ESR1: variants seen among roughly 807,000 people sequenced by gnomAD.
ESR1 encodes estrogen receptor 1.
Under a neutral mutation model 52.7 loss-of-function variants are expected in ESR1, and 12 were observed. That is an observed-to-expected ratio of 0.23 (90% CI 0.15 to 0.37). The LOEUF is 0.37. ESR1 is among the 10% of genes least tolerant of loss of function. The pLI is 1.00. For missense variants in ESR1, 584 were observed against 779.7 expected (o/e 0.75, Z 2.99); for synonymous variants, 305 against 316.8 (o/e 0.96, Z 0.39).
intron 2 of ESR1, among the ~76,000 whole-genome samples, chr6:151,791,802 G>A (rs532713655): frequency 1.3e-4 from 20 of 152,144 alleles, no homozygotes; most frequent in African/African-American, 4.3e-4. Context: ...ATAAATACCT[G>A]GAAAATACTG....
At chr6:151,659,661 C>T (rs1359259576) in intron 1 of ESR1, among the ~76,000 whole-genome samples, 1 of 152,162 alleles carries the variant, frequency 6.6e-6, no homozygotes. Flanking sequence ...AGGAGTAATT[C>T]AGCAGGCAAT....
rs371405859 is a variant in ESR1, at chr6:151,765,064, A to G, written c.-70-42779A>G. Among the ~76,000 whole-genome samples, 9 of 152,340 alleles carry G rather than the reference A, an allele frequency of 5.9e-5. No homozygotes were observed. In the East Asian group the frequency reaches 1.7e-3, roughly 29 times the overall value. ...AGCCAATAAAAGTAATTTTAATAAT[A>G]TATTTTGTTTGACATAATATAGCTA... On this transcript the variant is annotated intron_variant, in intron 2 of 2. Coordinates refer to the ESR1 transcript ENST00000404742.
intron 6 of ESR1, among the ~76,000 whole-genome samples, chr6:152,063,967 A>G (rs2047759663): frequency 6.6e-6 from 1 of 152,190 alleles, no homozygotes; most frequent in Non-Finnish European, 1.5e-5. Flanking sequence ...TCTTTCTGGA[A>G]GTTTGGAGAG....
chr6:151,756,577 G>T (rs756385151), intron 2 of ESR1, among the ~76,000 whole-genome samples: 8 of 152,192 alleles, frequency 5.3e-5, no homozygotes, highest in Non-Finnish European at 1.0e-4. Context: ...CTCTATGAGG[G>T]TAGACTTCTT....
At chr6:151,727,836 C>T (rs1183915382) in intron 2 of ESR1, among the ~76,000 whole-genome samples, 2 of 152,206 alleles carry the variant, frequency 1.3e-5, no homozygotes, top group Admixed American at 6.5e-5. Flanking sequence ...CTGTCTCTCA[C>T]CTGCCACCAT....
At chr6:152,048,556 C>A (rs963075182) in intron 5 of ESR1, among the ~76,000 whole-genome samples, 2 of 152,040 alleles carry the variant, frequency 1.3e-5, no homozygotes, top group African/African-American at 4.8e-5. Flanking sequence ...TGTCTGCTTC[C>A]TGACTAAACT....
chr6:151,766,133 A>G (rs1417862844), intron 2 of ESR1, among the ~76,000 whole-genome samples: 3 of 152,200 alleles, frequency 2.0e-5, no homozygotes, highest in African/African-American at 7.2e-5. Context: ...ACAATAAAAT[A>G]TGTACCTGTA....
chr6:151,783,340 G>A (rs375627179), intron 2 of ESR1, among the ~76,000 whole-genome samples: 5 of 152,298 alleles, frequency 3.3e-5, no homozygotes, highest in East Asian at 1.9e-4. Flanking sequence ...AGAAGGGCAC[G>A]CAATTTGTTG....
In ESR1 at chr6:151,852,936, G is replaced by A. The variant is rs142983197; in HGVS notation, c.643+10149G>A. Among the ~76,000 whole-genome samples, 1,182 of 151,890 alleles carry A rather than the reference G, an allele frequency of 7.8e-3. 17 individuals are homozygous for A. Among genetic ancestry groups the A allele is most frequent in the African/African-American group, 0.027 (1,102 of 41,406 alleles). ...ATGCCTATAATCCAGCACTTTGGGAGGCTGAGGCAGGCAGATCATGAGGTC... is the reference window on the plus strand; with the variant it reads ...ATGCCTATAATCCAGCACTTTGGGAAGCTGAGGCAGGCAGATCATGAGGTC... On this transcript the variant is annotated intron_variant, in intron 2 of 7. Coordinates refer to ENST00000206249, the MANE Select transcript of ESR1 (RefSeq NM_000125.4).
intron 2 of ESR1, among the ~76,000 whole-genome samples, chr6:151,794,201 A>G (rs1776471822): frequency 1.3e-5 from 2 of 152,092 alleles, no homozygotes; most frequent in Middle Eastern, 3.2e-3. Flanking sequence ...TAAATATAAG[A>G]CCTTTTCTTT....
At chr6:151,995,880 G>A (rs1340521785) in intron 4 of ESR1, among the ~76,000 whole-genome samples, 1 of 152,114 alleles carries the variant, frequency 6.6e-6, no homozygotes, top group Admixed American at 6.6e-5. Flanking sequence ...AACCCTATGA[G>A]GAAAGTGCTT....
At chr6:151,812,695 G>C (rs1176138479) in intron 1 of ESR1, among the ~76,000 whole-genome samples, 1 of 152,084 alleles carries the variant, frequency 6.6e-6, no homozygotes, top group Non-Finnish European at 1.5e-5. Context: ...TTCTTTTCCA[G>C]ACAACTTTGA....
chr6:151,717,442 T>C (rs977428911), intron 2 of ESR1, among the ~76,000 whole-genome samples: 1 of 152,228 alleles, frequency 6.6e-6, no homozygotes, highest in Non-Finnish European at 1.5e-5. Context: ...TAAACTTATA[T>C]GTATGTCCTA....
chr6:151,927,193 C>T (rs1266512097), intron 3 of ESR1, among the ~76,000 whole-genome samples: 1 of 151,992 alleles, frequency 6.6e-6, no homozygotes, highest in Non-Finnish European at 1.5e-5. Context: ...TGGAATAAAT[C>T]CCATTTGTTC....
intron 2 of ESR1, among the ~76,000 whole-genome samples, chr6:151,767,380 A>T (rs1277866915): frequency 1.3e-5 from 2 of 152,184 alleles, no homozygotes; most frequent in Non-Finnish European, 2.9e-5. Context: ...GTTGTCCTCA[A>T]AATGCAGTGA....
At chr6:151,934,421 A>G (rs2034102355) in intron 3 of ESR1, among the ~76,000 whole-genome samples, 1 of 152,232 alleles carries the variant, frequency 6.6e-6, no homozygotes, top group South Asian at 2.1e-4. Context: ...GACTCTCAAT[A>G]ACTTTGTTGT....
At chr6:151,682,908 A>T in intron 1 of ESR1, among the ~76,000 whole-genome samples, 1 of 152,268 alleles carries the variant, frequency 6.6e-6, no homozygotes, top group East Asian at 1.9e-4. Context: ...TGAAATAGAA[A>T]TATGAACATA....
At chr6:152,011,160 T>C (rs1243719427) in intron 4 of ESR1, among the ~76,000 whole-genome samples, 2 of 152,108 alleles carry the variant, frequency 1.3e-5, no homozygotes, top group Non-Finnish European at 2.9e-5. Flanking sequence ...GAGTCTTTCT[T>C]TTACATATTA....
chr6:151,911,299 G>A (rs1043441551), intron 3 of ESR1, among the ~76,000 whole-genome samples: 2 of 152,134 alleles, frequency 1.3e-5, no homozygotes, highest in Non-Finnish European at 2.9e-5. Flanking sequence ...GCTATCCGTC[G>A]TGCTAACCAA....
Sources: allele counts gnomAD v4.1 joint callset (sites outside exome capture counted in the v4.1 genomes callset), GRCh38; gene constraint gnomAD v4.1.1; transcripts MANE v1.5; gene names NCBI Gene and HGNC (gene_info 2026-07-23, HGNC 2026-07-21).